Variants in PVT1 observed in about 807,000 individuals in gnomAD.
PVT1 encodes CXCR4/PVT1 fusion.
chr8:128,002,363 C>G (rs1454062967), intron 4 of PVT1, among the ~76,000 whole-genome samples: 1 of 152,202 alleles, frequency 6.6e-6, no homozygotes, highest in Non-Finnish European at 1.5e-5. Context: ...ACATGTTACT[C>G]TTTCTTATTC....
intron 4 of PVT1, among the ~76,000 whole-genome samples, chr8:128,062,240 T>TA (rs34739127): frequency 1.3e-5 from 2 of 152,232 alleles, no homozygotes; most frequent in African/African-American, 4.8e-5. Context: ...AAGATAATTT[T>TA]AAAAAATTAT....
In PVT1 at chr8:127,919,904, G is replaced by A. The variant is rs561059969; in HGVS notation, n.782+28906G>A. ...CTCCTGAATCTTATCCCTTCGCAGC[G>A]GTAGGCAGGTGCAATTTCTGGCCAG... On this transcript the variant is annotated intron_variant and non_coding_transcript_variant, in intron 3 of 10. Transcript: ENST00000651587. Among the ~76,000 whole-genome samples the A allele has an allele frequency of 2.6e-5, 4 of 152,268 alleles. No homozygotes were observed. The East Asian group carries it at 7.7e-4, about 29-fold the overall frequency.
intron 2 of PVT1, among the ~76,000 whole-genome samples, chr8:127,834,802 C>T (rs894245894): frequency 6.6e-6 from 1 of 152,008 alleles, no homozygotes; most frequent in African/African-American, 2.4e-5. Flanking sequence ...CAAAAGAAGA[C>T]ATTTATATGG....
chr8:127,896,359 C>T (rs1203232495), intron 3 of PVT1, among the ~76,000 whole-genome samples: 1 of 152,040 alleles, frequency 6.6e-6, no homozygotes, highest in East Asian at 1.9e-4. Flanking sequence ...ACACAGGCCT[C>T]AATGCTAACT....
intron 4 of PVT1, among the ~76,000 whole-genome samples, chr8:128,061,510 T>C (rs1813830323): frequency 6.6e-6 from 1 of 152,240 alleles, no homozygotes; most frequent in Non-Finnish European, 1.5e-5. Flanking sequence ...GTCTTGGGCA[T>C]GTGTATACCT....
At chr8:128,002,895 C>T (rs996116182) in intron 4 of PVT1, among the ~76,000 whole-genome samples, 3 of 151,958 alleles carry the variant, frequency 2.0e-5, no homozygotes, top group Non-Finnish European at 4.4e-5. Flanking sequence ...CTTTTCTTTT[C>T]TTTTTTTCTC....
At chr8:128,015,883 C>T (rs1014519310) in intron 4 of PVT1, among the ~76,000 whole-genome samples, 6 of 152,006 alleles carry the variant, frequency 3.9e-5, no homozygotes, top group African/African-American at 1.5e-4. Context: ...TTCTGCCATC[C>T]CTGGGACCTT....
At chr8:128,071,346 C>T (rs983723823) in intron 5 of PVT1, among the ~76,000 whole-genome samples, 7 of 152,092 alleles carry the variant, frequency 4.6e-5, no homozygotes, top group East Asian at 1.9e-4. Context: ...TTGTCAGCCA[C>T]GTGGATGCCA....
At chr8:127,896,678 A>G (rs12547814) in intron 3 of PVT1, among the ~76,000 whole-genome samples, 32,060 of 151,564 alleles carry the variant, frequency 0.21, 3,540 homozygotes, top group African/African-American at 0.27. Flanking sequence ...GGTTTGTTAC[A>G]TGGTAGACGT....
intron 3 of PVT1, among the ~76,000 whole-genome samples, chr8:127,901,126 T>C (rs1815753805): frequency 1.3e-5 from 2 of 152,228 alleles, no homozygotes; most frequent in Admixed American, 1.3e-4. Context: ...CCAACAGCGT[T>C]GTCTGGGCCT....
intron 3 of PVT1, among the ~76,000 whole-genome samples, chr8:127,914,311 AGCAAGTGTTGGT>A (rs1815953104): frequency 6.9e-6 from 1 of 145,528 alleles, no homozygotes; most frequent in East Asian, 2.0e-4. Context: ...GGCAGAAAAT[AGCAAGTGTTGGT>A]GAGGATGTAG....
At chr8:127,846,741 G>A (rs746131002) in intron 2 of PVT1, among the ~76,000 whole-genome samples, 28 of 149,130 alleles carry the variant, frequency 1.9e-4, no homozygotes, top group Non-Finnish European at 3.4e-4. Context: ...GCGCAATCTC[G>A]GCTCACTGCA....
chr8:127,887,727 A>T (rs1220293006), intron 2 of PVT1, among the ~76,000 whole-genome samples: 1 of 151,082 alleles, frequency 6.6e-6, no homozygotes, highest in Non-Finnish European at 1.5e-5. Context: ...GGGTTTCACC[A>T]CGTTGGCCAG....
At chr8:128,065,212 GAC>G (rs1813890658) in intron 4 of PVT1, among the ~76,000 whole-genome samples, 1 of 150,558 alleles carries the variant, frequency 6.6e-6, no homozygotes, top group Non-Finnish European at 1.5e-5. Context: ...TTTTTTTTGA[GAC>G]ACAATTTCAC....
intron 3 of PVT1, among the ~76,000 whole-genome samples, chr8:127,958,743 T>A (rs1247774721): frequency 6.6e-6 from 1 of 152,188 alleles, no homozygotes; most frequent in Non-Finnish European, 1.5e-5. Context: ...GATCTGGATG[T>A]GTGCCTTCTG....
At chr8:127,842,088 TTTG>T (rs943303585) in intron 2 of PVT1, among the ~76,000 whole-genome samples, 3 of 150,990 alleles carry the variant, frequency 2.0e-5, no homozygotes, top group African/African-American at 4.8e-5. Context: ...TTATATATAT[TTTG>T]TTATCTTATT....
At chr8:127,961,783 C>T (rs1365929954) in intron 3 of PVT1, among the ~76,000 whole-genome samples, 1 of 152,202 alleles carries the variant, frequency 6.6e-6, no homozygotes, top group Non-Finnish European at 1.5e-5. Context: ...TAAACCACAC[C>T]TTCTCAACCT....
intron 2 of PVT1, among the ~76,000 whole-genome samples, chr8:127,863,310 C>G (rs894931918): frequency 6.6e-6 from 1 of 151,888 alleles, no homozygotes; most frequent in African/African-American, 2.4e-5. Context: ...TGGGGTTTCA[C>G]TATGTTGGCC....
chr8:127,871,826 C>CGTGA (rs1357113057), intron 2 of PVT1, among the ~76,000 whole-genome samples: 1 of 152,178 alleles, frequency 6.6e-6, no homozygotes, highest in Non-Finnish European at 1.5e-5. Flanking sequence ...CAGTGGCTCA[C>CGTGA]GCCTGTAATC....
Sources: allele counts gnomAD v4.1 joint callset (sites outside exome capture counted in the v4.1 genomes callset), GRCh38; gene constraint gnomAD v4.1.1; transcripts MANE v1.5; gene names NCBI Gene and HGNC (gene_info 2026-07-23, HGNC 2026-07-21).